ANKRD30B: variants seen among roughly 807,000 people sequenced by gnomAD.
ANKRD30B encodes ankyrin repeat domain-containing protein 30B.
In ANKRD30B, 144 loss-of-function variants were observed where a neutral mutation model predicts 202.2. The ratio of observed to expected loss-of-function variants is 0.71; its 90% CI spans 0.62 to 0.82. The LOEUF is 0.82. Among genes scored for constraint, ANKRD30B ranks in the 40% least tolerant of loss-of-function variants. The pLI, the probability that ANKRD30B is intolerant of heterozygous loss-of-function variation, is 0.00. For missense variants in ANKRD30B, 1,487 were observed against 1,669.1 expected (o/e 0.89, Z 1.90); for synonymous variants, 508 against 561.3 (o/e 0.91, Z 1.34).
In ANKRD30B at chr18:14,748,305, A is replaced by C; in HGVS notation, c.-115A>C. ...CGGGTGCGGGAACTGAAGACGGGCG[A>C]GTGCGAGCCGGGGGCGGGTGCTGGG... On this transcript the variant is annotated 5_prime_UTR_variant, in exon 1 of 44. Coordinates refer to ENST00000690538, the MANE Select transcript of ANKRD30B (RefSeq NM_001367607.2). 1.2e-6 allele frequency: 1 copy of C among 810,070 alleles called. No homozygotes were observed. The highest frequency in any genetic ancestry group is 2.9e-5 in the East Asian group (1 of 34,226). The allele number at this position is 810,070 out of a possible 1,614,324, so 50.2% of individuals were successfully genotyped here.
intron 1 of ANKRD30B, 42 bp from the exon 2 acceptor site, chr18:14,752,524 C>T: frequency 6.9e-7 from 1 of 1,453,648 alleles, no homozygotes; most frequent in Non-Finnish European, 9.5e-7. Context: ...TGTTTTGAGA[C>T]AGTGGGCTAT....
At chr18:14,905,284 A>C in the ANKRD30B span, among the ~76,000 whole-genome samples, 1 of 152,200 alleles carries the variant, frequency 6.6e-6, no homozygotes, top group Non-Finnish European at 1.5e-5. Flanking sequence ...GTATGGACTC[A>C]CCCTGAATTC....
the ANKRD30B span, among the ~76,000 whole-genome samples, chr18:14,911,038 A>T: frequency 6.6e-6 from 1 of 151,992 alleles, no homozygotes; most frequent in East Asian, 1.9e-4. Flanking sequence ...TTTGACTGAT[A>T]GTTTGCAAAT....
At chr18:14,933,619 C>A in the ANKRD30B span, among the ~76,000 whole-genome samples, 1 of 152,096 alleles carries the variant, frequency 6.6e-6, no homozygotes, top group Non-Finnish European at 1.5e-5. Flanking sequence ...CTCTCCTGGG[C>A]TCCAGGTGCA....
At chr18:14,919,324 C>A in the ANKRD30B span, among the ~76,000 whole-genome samples, 6 of 152,220 alleles carry the variant, frequency 3.9e-5, no homozygotes, top group African/African-American at 7.2e-5. Flanking sequence ...CAGAAGCCAG[C>A]AGCCATCCTG....
In ANKRD30B at chr18:14,794,786, G is replaced by T. The variant is rs185433777; in HGVS notation, c.1826-1435G>T. On this transcript the variant is annotated intron_variant, in intron 16 of 43. Coordinates refer to ENST00000690538, the MANE Select transcript of ANKRD30B (RefSeq NM_001367607.2). The stretch of plus-strand genomic sequence containing the variant: ...TTTTAGAGAGTTTATGTCCCCTGAA[G>T]TGTCTTCATTACTGATCAATCAACT... Among the ~76,000 whole-genome samples the T allele has an allele frequency of 3.3e-3, 508 of 152,262 alleles. 2 individuals are homozygous for T. Among genetic ancestry groups the T allele is most frequent in the African/African-American group, 0.012 (489 of 41,556 alleles).
At chr18:14,803,563 T>A (rs1163023140) in intron 23 of ANKRD30B, 171 bp from the exon 24 acceptor site, 1 of 645,368 alleles carries the variant, frequency 1.5e-6, no homozygotes, top group African/African-American at 1.8e-5. Flanking sequence ...GAGTGTTATG[T>A]GAGGTTTTCT....
intron 17 of ANKRD30B, 21 bp downstream of exon 17, chr18:14,796,270 A>G (rs773010260): frequency 1.9e-6 from 3 of 1,609,072 alleles, no homozygotes; most frequent in Non-Finnish European, 2.6e-6. Context: ...TTATATTGCT[A>G]TCTTGAATAC....
the ANKRD30B span, among the ~76,000 whole-genome samples, chr18:14,897,555 A>G: frequency 6.6e-6 from 1 of 152,234 alleles, no homozygotes; most frequent in Non-Finnish European, 1.5e-5. Flanking sequence ...AATTGATTTT[A>G]GATGTTATGA....
chr18:14,809,213 A>G (rs993086094), intron 26 of ANKRD30B, among the ~76,000 whole-genome samples: 4 of 150,992 alleles, frequency 2.6e-5, no homozygotes, highest in African/African-American at 9.8e-5. Context: ...GGATGAAGTA[A>G]TTCTTTAACT....
intron 8 of ANKRD30B, among the ~76,000 whole-genome samples, 195 bp downstream of exon 8, chr18:14,769,568 T>G (rs1023148376): frequency 1.3e-5 from 2 of 152,190 alleles, no homozygotes; most frequent in African/African-American, 4.8e-5. Flanking sequence ...AACAGGCAAA[T>G]GTGGTTCAGA....
the ANKRD30B span, among the ~76,000 whole-genome samples, chr18:14,899,493 T>C: frequency 2.6e-5 from 4 of 152,136 alleles, no homozygotes; most frequent in African/African-American, 9.7e-5. Flanking sequence ...TTTCTAAATG[T>C]TGAAATAAGA....
At chr18:14,853,517 T>C (rs1195152558) in intron 42 of ANKRD30B, among the ~76,000 whole-genome samples, 3 of 148,506 alleles carry the variant, frequency 2.0e-5, no homozygotes, top group Admixed American at 6.8e-5. Flanking sequence ...GTTTAGAATT[T>C]ACCACCACTA....
At chr18:14,838,817 C>T (rs1162021558) in intron 36 of ANKRD30B, among the ~76,000 whole-genome samples, 2 of 152,218 alleles carry the variant, frequency 1.3e-5, no homozygotes, top group Non-Finnish European at 2.9e-5. Context: ...ATATCTACCT[C>T]TTAGTTGCAT....
At chr18:14,889,314 CTT>C in the ANKRD30B span, among the ~76,000 whole-genome samples, 1 of 152,194 alleles carries the variant, frequency 6.6e-6, no homozygotes, top group East Asian at 1.9e-4. Flanking sequence ...CATAACTTTT[CTT>C]TATTTACTTC....
chr18:14,902,029 C>A, the ANKRD30B span, among the ~76,000 whole-genome samples: 1 of 152,130 alleles, frequency 6.6e-6, no homozygotes, highest in Non-Finnish European at 1.5e-5. Flanking sequence ...GCAAAAGGCA[C>A]TTCTTACATG....
chr18:14,904,766 G>C, the ANKRD30B span, among the ~76,000 whole-genome samples: 1 of 152,160 alleles, frequency 6.6e-6, no homozygotes, highest in Non-Finnish European at 1.5e-5. Flanking sequence ...ATTACAGCTT[G>C]GTTTATACTT....
intron 39 of ANKRD30B, among the ~76,000 whole-genome samples, chr18:14,844,717 C>G (rs928794915): frequency 3.9e-5 from 6 of 152,196 alleles, no homozygotes; most frequent in Non-Finnish European, 7.3e-5. Flanking sequence ...AAAAGTTTTC[C>G]TATTTCTCCA....
At chr18:14,843,000 C>G in intron 38 of ANKRD30B, 24 bp from the exon 39 acceptor site, 1 of 1,582,530 alleles carries the variant, frequency 6.3e-7, no homozygotes. Context: ...CGTTATTAAT[C>G]ATTTTTCTTC....
Sources: gnomAD v4.1 joint callset for allele counts (sites outside exome capture counted in the v4.1 genomes callset) on GRCh38, gnomAD v4.1.1 for gene constraint, MANE v1.5 for transcripts, NCBI Gene and HGNC (gene_info 2026-07-23, HGNC 2026-07-21) for gene names.